MMS22L: variants seen among roughly 807,000 people sequenced by gnomAD.
MMS22L encodes MMS22 like, DNA repair protein, also known as protein MMS22-like.
Under a neutral mutation model 159.1 loss-of-function variants are expected in MMS22L, and 74 were observed. The observed-to-expected ratio is 0.47, with a 90% confidence interval of 0.39 to 0.56. The LOEUF (loss-of-function observed/expected upper bound fraction) is 0.56. Among genes scored for constraint, MMS22L ranks in the 20% least tolerant of loss-of-function variants. The pLI, the probability that MMS22L is intolerant of heterozygous loss-of-function variation, is 0.00. For missense variants in MMS22L, 1,351 were observed against 1,422.1 expected (o/e 0.95, Z 0.80); for synonymous variants, 517 against 506.9 (o/e 1.02, Z -0.27).
intron 10 of MMS22L, among the ~76,000 whole-genome samples, chr6:97,252,008 G>A (rs949112651): frequency 2.6e-5 from 4 of 151,892 alleles, no homozygotes; most frequent in East Asian, 1.9e-4. Flanking sequence ...GCATGAACCC[G>A]GGAGGCGGAG....
At chr6:97,257,668 C>T (rs1447046667) in intron 9 of MMS22L, among the ~76,000 whole-genome samples, 2 of 152,062 alleles carry the variant, frequency 1.3e-5, no homozygotes, top group Non-Finnish European at 2.9e-5. Flanking sequence ...CTCAAGCAAT[C>T]CTCTCACCTA....
chr6:97,273,079 C>T lies in MMS22L; in HGVS notation c.341-17G>A, dbSNP rs765487450. The T allele has an allele frequency of 3.8e-5, 60 of 1,577,504 alleles. No homozygotes were observed. Among genetic ancestry groups the T allele is most frequent in the Non-Finnish European group, 4.7e-5 (55 of 1,162,382 alleles). On this transcript the variant is annotated splice_polypyrimidine_tract_variant and intron_variant, in intron 4 of 24. Coordinates refer to ENST00000683635, the MANE Select transcript of MMS22L (RefSeq NM_001350599.2). ...ATACCTTCCCTGAAACCAAAATAGA[C>T]AATGTTAATCATAGTTCAAATAATT...
At chr6:97,151,625 A>T in intron 23 of MMS22L, 146 bp downstream of exon 23, 1 of 660,814 alleles carries the variant, frequency 1.5e-6, no homozygotes, top group South Asian at 2.1e-5. Context: ...ACAGTGTAAC[A>T]AAACTACTGC....
intron 10 of MMS22L, among the ~76,000 whole-genome samples, chr6:97,248,278 A>G (rs1231626044): frequency 1.3e-5 from 2 of 152,200 alleles, no homozygotes; most frequent in African/African-American, 4.8e-5. Flanking sequence ...TTCCAGTTAA[A>G]TCTTCAGATA....
intron 14 of MMS22L, among the ~76,000 whole-genome samples, chr6:97,198,887 C>G (rs944494320): frequency 6.6e-6 from 1 of 152,054 alleles, no homozygotes; most frequent in Non-Finnish European, 1.5e-5. Flanking sequence ...TGTATATTAT[C>G]ATATTTCCTC....
intron 22 of MMS22L, among the ~76,000 whole-genome samples, chr6:97,152,836 TTTC>T (rs1474684402): frequency 1.3e-5 from 2 of 151,602 alleles, no homozygotes; most frequent in South Asian, 2.1e-4. Context: ...AAATGAGTAT[TTTC>T]TTTTTTTTTT....
chr6:97,199,480 T>C (rs1229398752), intron 14 of MMS22L, among the ~76,000 whole-genome samples: 1 of 152,152 alleles, frequency 6.6e-6, no homozygotes, highest in Non-Finnish European at 1.5e-5. Context: ...TCCAATTCTA[T>C]GTGAACAGAT....
chr6:97,270,075 T>G, intron 6 of MMS22L, 83 bp from the exon 7 acceptor site: 1 of 1,065,584 alleles, frequency 9.4e-7, no homozygotes, highest in Middle Eastern at 2.0e-4. Flanking sequence ...TACTCCTCCA[T>G]AAACACAAGG....
chr6:97,250,186 AG>A (rs976360660), intron 10 of MMS22L, among the ~76,000 whole-genome samples: 5 of 152,140 alleles, frequency 3.3e-5, no homozygotes, highest in Non-Finnish European at 7.4e-5. Context: ...GAAAGCAGGT[AG>A]GATGTCATCA....
rs749327033 is a variant in MMS22L, at chr6:97,272,738, T to C, written c.572A>G (p.Asn191Ser). Reference protein sequence around the residue: ...IGHLSELPSVNIGAFVNQNQI... With the variant: ...IGHLSELPSVSIGAFVNQNQI... ...GTTTTGATTTACAAATGCTCCTATATTAACACTGGGAAGTTCAGATAGGTG... is the reference window on the plus strand; with the variant it reads ...GTTTTGATTTACAAATGCTCCTATACTAACACTGGGAAGTTCAGATAGGTG... The change falls in exon 6 of 25, where the codon AAT becomes AGT. Residue 191 changes from asparagine (N) to serine (S), a missense_variant. Asn to Ser is a conservative substitution (Grantham distance 46, BLOSUM62 1). Transcript: ENST00000683635. 1.2e-6 allele frequency: 2 copies of C among 1,612,880 alleles called. No homozygotes were observed. Among genetic ancestry groups the C allele is most frequent in the African/African-American group, 2.7e-5 (2 of 74,860 alleles).
rs1467305894 is a variant in MMS22L at position 97,263,460 on chromosome 6, A to G, written c.829-12T>C. On this transcript the variant is annotated splice_polypyrimidine_tract_variant and intron_variant, in intron 8 of 24. Coordinates refer to ENST00000683635, the MANE Select transcript of MMS22L (RefSeq NM_001350599.2). ...TCAGAAGACCTAACCTATAGAAAAT[A>G]ACCAAAATGTGTTATTTATAAGACA... The G allele has an allele frequency of 7.1e-7, 1 of 1,401,574 alleles. No homozygotes were observed. Among genetic ancestry groups the G allele is most frequent in the Non-Finnish European group, 9.6e-7 (1 of 1,037,924 alleles). The allele number at this position is 1,401,574 out of a possible 1,614,324, so 86.8% of individuals were successfully genotyped here.
rs1800725417 is a variant in MMS22L, at chr6:97,143,308, A to G, written c.*3498T>C. On this transcript the variant is annotated 3_prime_UTR_variant, in exon 25 of 25. Coordinates refer to ENST00000683635, the MANE Select transcript of MMS22L (RefSeq NM_001350599.2). ...CCATGCTGTAAACTGAATGAGGCTG[A>G]GTGTAGGATGAACATGGCAATCAGA... 1 of 152,188 alleles carries G rather than the reference A, an allele frequency of 6.6e-6. No individual in the cohort carries two copies. The highest frequency in any genetic ancestry group is 1.5e-5 in the Non-Finnish European group (1 of 68,028). The allele number at this position is 152,188 out of a possible 1,614,324, so 9.4% of individuals were successfully genotyped here.
intron 22 of MMS22L, 79 bp from the exon 23 acceptor site, chr6:97,151,946 T>G (rs879818378): frequency 2.7e-4 from 275 of 1,034,636 alleles, no homozygotes; most frequent in Non-Finnish European, 3.7e-4. Context: ...CACTCTTGAT[T>G]TAGAAAAATA....
intron 15 of MMS22L, among the ~76,000 whole-genome samples, chr6:97,182,932 C>T (rs892752369): frequency 6.6e-6 from 1 of 152,108 alleles, no homozygotes; most frequent in African/African-American, 2.4e-5. Context: ...CTATCATGCT[C>T]TCCAACAGCA....
At chr6:97,217,990 C>T (rs956912532) in intron 14 of MMS22L, among the ~76,000 whole-genome samples, 1 of 152,148 alleles carries the variant, frequency 6.6e-6, no homozygotes, top group Non-Finnish European at 1.5e-5. Context: ...GCAGACCCAG[C>T]CTTGAGAGAC....
chr6:97,179,323 T>C (rs1253426968), intron 17 of MMS22L, 85 bp downstream of exon 17: 8 of 1,165,062 alleles, frequency 6.9e-6, no homozygotes, highest in Non-Finnish European at 9.5e-6. Flanking sequence ...GTATATTTTC[T>C]ATTAATTACA....
At chr6:97,206,117 G>A (rs1807757159) in intron 14 of MMS22L, among the ~76,000 whole-genome samples, 1 of 152,114 alleles carries the variant, frequency 6.6e-6, no homozygotes, top group Admixed American at 6.6e-5. Flanking sequence ...ATCAGTTAAT[G>A]GCTATTTATG....
intron 11 of MMS22L, among the ~76,000 whole-genome samples, chr6:97,242,838 A>C (rs1812227835): frequency 1.3e-5 from 2 of 152,170 alleles, no homozygotes. Flanking sequence ...TTCATTTATG[A>C]AGCTTAGTTT....
intron 16 of MMS22L, 102 bp downstream of exon 16, chr6:97,181,802 G>T: frequency 1.6e-6 from 2 of 1,225,082 alleles, no homozygotes; most frequent in Non-Finnish European, 2.2e-6. Flanking sequence ...GAGAGTATAT[G>T]TAGTAGAGAT....
Sources: allele counts gnomAD v4.1 joint callset (sites outside exome capture counted in the v4.1 genomes callset), GRCh38; gene constraint gnomAD v4.1.1; transcripts MANE v1.5; gene names NCBI Gene and HGNC (gene_info 2026-07-23, HGNC 2026-07-21).